The following UIMC1 variants were observed in gnomAD, a reference collection of about 807,000 sequenced individuals.
The protein encoded by UIMC1 is BRCA1-A complex subunit RAP80.
Under a neutral mutation model 84.9 loss-of-function variants are expected in UIMC1, and 42 were observed. The observed-to-expected ratio is 0.49, with a 90% CI of 0.39 to 0.64. The LOEUF (loss-of-function observed/expected upper bound fraction) is 0.64. UIMC1 is among the 30% of genes least tolerant of loss of function. UIMC1 has a pLI of 0.00. For synonymous variants in UIMC1, 281 were observed against 293.0 expected (o/e 0.96, Z 0.42); for missense variants, 825 against 847.6 (o/e 0.97, Z 0.33).
chr5:176,997,968 T>C (rs1054286013), intron 1 of UIMC1, among the ~76,000 whole-genome samples: 9 of 152,152 alleles, frequency 5.9e-5, no homozygotes, highest in Non-Finnish European at 1.2e-4. Context: ...CAGAGAAATC[T>C]TTCTTGGCTC....
chr5:176,929,815 G>T (rs913057751), intron 10 of UIMC1, among the ~76,000 whole-genome samples: 2 of 152,164 alleles, frequency 1.3e-5, no homozygotes, highest in East Asian at 3.8e-4. Context: ...GAAGAAAGTG[G>T]TATGAAAATC....
At chr5:176,956,682 C>G (rs181690336) in intron 7 of UIMC1, among the ~76,000 whole-genome samples, 1 of 152,028 alleles carries the variant, frequency 6.6e-6, no homozygotes, top group African/African-American at 2.4e-5. Context: ...GAATACATGG[C>G]TGATCTGAGC....
rs148527496 is a variant in UIMC1, at chr5:176,927,749, G to A, written c.1597+15586C>T. On this transcript the variant is annotated intron_variant, in intron 10 of 14. Coordinates refer to ENST00000511320, the MANE Select transcript of UIMC1 (RefSeq NM_001199298.2). The stretch of plus-strand genomic sequence containing the variant: ...CATTTTGAAAAACCAGTTCTCAGCC[G>A]GGTGTGGCCTGTTTCAAAAAAAAAC... Among the ~76,000 whole-genome samples, 110 of 151,820 alleles carry A rather than the reference G, an allele frequency of 7.2e-4. No individual in the cohort carries two copies. In the Middle Eastern group the frequency reaches 0.041, roughly 57 times the overall value.
intron 10 of UIMC1, among the ~76,000 whole-genome samples, chr5:176,932,494 A>G (rs568439359): frequency 6.6e-6 from 1 of 152,018 alleles, no homozygotes; most frequent in South Asian, 2.1e-4. Context: ...ATATAAAAAC[A>G]GGAGACAGAT....
intron 1 of UIMC1, among the ~76,000 whole-genome samples, chr5:176,994,553 G>C (rs963163407): frequency 2.7e-5 from 4 of 150,638 alleles, no homozygotes; most frequent in Admixed American, 2.6e-4. Flanking sequence ...ATGTAAGCCA[G>C]TCATTCTGTT....
chr5:176,991,618 G>T (rs1772842765), intron 1 of UIMC1, among the ~76,000 whole-genome samples: 1 of 115,080 alleles, frequency 8.7e-6, no homozygotes, highest in Non-Finnish European at 1.7e-5. Flanking sequence ...CAACAAGAGT[G>T]AAACTCCGTC....
At chr5:176,993,596 A>G (rs1020795462) in intron 1 of UIMC1, among the ~76,000 whole-genome samples, 2 of 152,208 alleles carry the variant, frequency 1.3e-5, no homozygotes, top group African/African-American at 2.4e-5. Flanking sequence ...TTAAAGACTT[A>G]AAGTCTAATA....
Position 176,968,562 on chromosome 5 carries a change from T to C in UIMC1, c.1193A>G (p.His398Arg), listed in dbSNP as rs1768676954. 6.2e-7 allele frequency: 1 copy of C among 1,608,674 alleles called. No individual in the cohort carries two copies. Among genetic ancestry groups the C allele is most frequent in the Non-Finnish European group, 8.5e-7 (1 of 1,177,808 alleles). The change falls in exon 6 of 15, where the codon CAT becomes CGT. Residue 398 changes from histidine to arginine, a missense_variant. Coordinates refer to ENST00000511320, the MANE Select transcript of UIMC1 (RefSeq NM_001199298.2). The part of the protein sequence containing the change: ...LLLEEEPTTS[H>R]GQSSQGIVEE... ...AGCATCACTGACCCTTACCTGACCA[T>C]GACTGGTTGTTGGTTCTTCCTCCAA...
chr5:176,963,941 C>T (rs1167561925), intron 6 of UIMC1, among the ~76,000 whole-genome samples: 1 of 152,092 alleles, frequency 6.6e-6, no homozygotes, highest in African/African-American at 2.4e-5. Context: ...CTTCCAACTC[C>T]TTGTCATAAT....
At chr5:176,936,493 T>C (rs1156583007) in intron 10 of UIMC1, among the ~76,000 whole-genome samples, 1 of 152,186 alleles carries the variant, frequency 6.6e-6, no homozygotes, top group Non-Finnish European at 1.5e-5. Context: ...GAGTGATCCT[T>C]TGCTTAAATA....
chr5:176,983,653 AC>A (rs1000108390), intron 1 of UIMC1, among the ~76,000 whole-genome samples: 1 of 151,144 alleles, frequency 6.6e-6, no homozygotes, highest in Admixed American at 6.6e-5. Flanking sequence ...CCCGCCCGCC[AC>A]CCCATCTAAG....
At chr5:176,907,860 C>T (rs543522949) in intron 12 of UIMC1, among the ~76,000 whole-genome samples, 1 of 152,184 alleles carries the variant, frequency 6.6e-6, no homozygotes, top group Admixed American at 6.5e-5. Flanking sequence ...CTAATAGTTC[C>T]GTATCAGAAA....
intron 14 of UIMC1, chr5:176,905,806 T>C (rs2149383016): frequency 1.6e-6 from 1 of 645,026 alleles, no homozygotes; most frequent in Non-Finnish European, 2.6e-6. Context: ...TTTCACTCTG[T>C]TTGTTTTAAC....
chr5:176,932,662 C>T (rs1047446657), intron 10 of UIMC1, among the ~76,000 whole-genome samples: 1 of 152,108 alleles, frequency 6.6e-6, no homozygotes, highest in Non-Finnish European at 1.5e-5. Flanking sequence ...GTATTTCACT[C>T]GTTGGTTTCA....
At chr5:176,994,658 C>A (rs191012478) in intron 1 of UIMC1, among the ~76,000 whole-genome samples, 27 of 152,176 alleles carry the variant, frequency 1.8e-4, no homozygotes, top group Non-Finnish European at 3.7e-4. Flanking sequence ...AAAGGCTGAG[C>A]CCTCAACAAA....
intron 1 of UIMC1, chr5:177,001,614 G>A (rs1315952640): frequency 6.6e-6 from 1 of 151,934 alleles, no homozygotes; most frequent in Non-Finnish European, 1.5e-5. Flanking sequence ...AAAGGCATGG[G>A]CCCCAGAACA....
intron 1 of UIMC1, among the ~76,000 whole-genome samples, chr5:176,982,857 A>G (rs1208314547): frequency 2.6e-5 from 4 of 152,114 alleles, no homozygotes; most frequent in Admixed American, 2.6e-4. Context: ...ACGCCACCAC[A>G]CTGGCTAATT....
intron 10 of UIMC1, among the ~76,000 whole-genome samples, chr5:176,935,784 C>G (rs1352586890): frequency 6.6e-6 from 1 of 152,152 alleles, no homozygotes; most frequent in Non-Finnish European, 1.5e-5. Context: ...TGCTTAGTCA[C>G]AAGTCAAGCC....
intron 1 of UIMC1, among the ~76,000 whole-genome samples, chr5:177,003,955 G>GGCA (rs1774908544): frequency 6.6e-6 from 1 of 152,022 alleles, no homozygotes; most frequent in African/African-American, 2.4e-5. Context: ...GAGCCTCCTG[G>GGCA]GCAGCTGGGA....
Sources: allele counts gnomAD v4.1 joint callset (sites outside exome capture counted in the v4.1 genomes callset), GRCh38; gene constraint gnomAD v4.1.1; transcripts MANE v1.5; gene names NCBI Gene and HGNC (gene_info 2026-07-23, HGNC 2026-07-21).